The following SNX29 variants were observed in gnomAD, a reference collection of about 807,000 sequenced individuals.
SNX29 encodes sorting nexin-29.
In SNX29, 78 loss-of-function variants were observed where a neutral mutation model predicts 102.1. The observed-to-expected ratio is 0.76, with a 90% CI of 0.64 to 0.92. The LOEUF is 0.92. Among genes scored for constraint, SNX29 ranks in the 40% least tolerant of loss-of-function variants. SNX29 has a pLI of 0.00. For missense variants in SNX29, 1,280 were observed against 1,061.7 expected, an observed-to-expected ratio of 1.21 and a Z score of -2.86; for synonymous variants, 580 against 414.5, an observed-to-expected ratio of 1.40 and a Z score of -4.85.
At chr16:12,465,978 G>A (rs2087033274) in intron 18 of SNX29, among the ~76,000 whole-genome samples, 2 of 152,052 alleles carry the variant, frequency 1.3e-5, no homozygotes, top group Non-Finnish European at 2.9e-5. Flanking sequence ...AATGAATGAG[G>A]TATAGAAGGA....
intron 13 of SNX29, among the ~76,000 whole-genome samples, chr16:12,162,303 C>T (rs2055821628): frequency 6.6e-6 from 1 of 152,166 alleles, no homozygotes; most frequent in Admixed American, 6.5e-5. Flanking sequence ...GCGTCATTTT[C>T]TTTATATCAC....
chr16:12,518,162 A>C (rs1420250026), intron 19 of SNX29, among the ~76,000 whole-genome samples: 2 of 152,020 alleles, frequency 1.3e-5, no homozygotes, highest in Non-Finnish European at 2.9e-5. Context: ...GTCGTGATGG[A>C]GTTTTGAGAG....
At chr16:12,040,247 T>C (rs543602402) in intron 4 of SNX29, among the ~76,000 whole-genome samples, 132 of 151,922 alleles carry the variant, frequency 8.7e-4, no homozygotes, top group Non-Finnish European at 1.5e-3. Context: ...GGCATGGGGG[T>C]GCGTGCCTGT....
intron 16 of SNX29, among the ~76,000 whole-genome samples, chr16:12,398,075 T>C (rs538887885): frequency 1.2e-3 from 179 of 152,356 alleles, no homozygotes; most frequent in African/African-American, 4.0e-3. Context: ...GTGTGTGTGA[T>C]GTTCATCATG....
chr16:11,999,458 C>T, intron 2 of SNX29, 100 bp downstream of exon 2: 1 of 1,134,810 alleles, frequency 8.8e-7, no homozygotes, highest in Non-Finnish European at 1.3e-6. Flanking sequence ...CTAACTCCCA[C>T]TTTATACCTG....
intron 5 of SNX29, among the ~76,000 whole-genome samples, chr16:12,045,749 G>A (rs1284808462): frequency 3.3e-5 from 5 of 151,626 alleles, no homozygotes; most frequent in African/African-American, 9.7e-5. Context: ...TCAGCCTCCC[G>A]AGTAGCTGGG....
intron 13 of SNX29, among the ~76,000 whole-genome samples, chr16:12,174,614 T>G (rs1229301782): frequency 6.6e-6 from 1 of 152,188 alleles, no homozygotes; most frequent in East Asian, 1.9e-4. Flanking sequence ...CAACCTCTTG[T>G]GGCGTTCACC....
chr16:12,363,494 A>G (rs1424147717), intron 16 of SNX29, among the ~76,000 whole-genome samples: 7 of 152,168 alleles, frequency 4.6e-5, no homozygotes, highest in African/African-American at 1.4e-4. Context: ...TCTGCTGGGA[A>G]TAAACATAGT....
chr16:12,336,501 C>G (rs1257385692), intron 15 of SNX29, among the ~76,000 whole-genome samples: 1 of 152,180 alleles, frequency 6.6e-6, no homozygotes, highest in African/African-American at 2.4e-5. Context: ...TTTTTCCCCT[C>G]AGAGAAAAGA....
chr16:12,438,694 A>G (rs552546511), intron 18 of SNX29, among the ~76,000 whole-genome samples: 4 of 152,352 alleles, frequency 2.6e-5, no homozygotes, highest in Non-Finnish European at 4.4e-5. Flanking sequence ...AGAAATGACC[A>G]TAATCATGAA....
chr16:12,514,569 A>G (rs1387231154), intron 19 of SNX29, among the ~76,000 whole-genome samples: 2 of 152,190 alleles, frequency 1.3e-5, no homozygotes, highest in African/African-American at 4.8e-5. Flanking sequence ...GGAACATGAA[A>G]AAGCCCCTCT....
chr16:12,563,052 G>C (rs67316342), intron 20 of SNX29, among the ~76,000 whole-genome samples: 4 of 151,782 alleles, frequency 2.6e-5, no homozygotes, highest in African/African-American at 4.8e-5. Flanking sequence ...AGGTCACCTC[G>C]AAATGTAGGT....
At chr16:12,457,647 C>T (rs907709092) in intron 18 of SNX29, among the ~76,000 whole-genome samples, 1 of 152,196 alleles carries the variant, frequency 6.6e-6, no homozygotes, top group East Asian at 1.9e-4. Context: ...CTCATTTACC[C>T]ATCATAAAAA....
chr16:12,219,999 T>G (rs1375566119), intron 14 of SNX29, among the ~76,000 whole-genome samples: 1 of 152,240 alleles, frequency 6.6e-6, no homozygotes, highest in Non-Finnish European at 1.5e-5. Context: ...TCTCTCTGTG[T>G]CCCTGACTGA....
At chr16:12,517,177 C>T (rs577282335) in intron 19 of SNX29, among the ~76,000 whole-genome samples, 3 of 152,278 alleles carry the variant, frequency 2.0e-5, no homozygotes, top group Admixed American at 2.0e-4. Context: ...TTAGGCAGCC[C>T]CTAGAGAAGT....
chr16:12,490,880 A>C (rs989974206), intron 19 of SNX29, among the ~76,000 whole-genome samples: 4 of 152,256 alleles, frequency 2.6e-5, no homozygotes, highest in African/African-American at 9.6e-5. Flanking sequence ...GAAATTAAAC[A>C]CTGTAAATAC....
chr16:12,546,243 C>T (rs770979959), intron 20 of SNX29: 3 of 152,226 alleles, frequency 2.0e-5, no homozygotes, highest in Non-Finnish European at 4.4e-5. Flanking sequence ...AACTTGACCT[C>T]TTTTCGACCC....
At position 12,543,076 on chromosome 16, in the gene SNX29, G is replaced by T. The variant is rs1052825200; in HGVS notation, c.2318+18235G>T. Reference sequence around the variant, plus strand: ...AGGACCCTGTTGGTTTCACCCTCAAGCATGTTCTGTCTGGTGGAAAGATGG... The same window carrying T: ...AGGACCCTGTTGGTTTCACCCTCAATCATGTTCTGTCTGGTGGAAAGATGG... On this transcript the variant is annotated intron_variant, in intron 20 of 20. Transcript: ENST00000566228. Among the ~76,000 whole-genome samples, 3 of 152,198 alleles carry T rather than the reference G, an allele frequency of 2.0e-5. No individual in the cohort carries two copies. In the South Asian group the frequency reaches 6.2e-4, roughly 32 times the overall value.
At chr16:12,294,906 G>A (rs999000430) in intron 15 of SNX29, among the ~76,000 whole-genome samples, 3 of 151,406 alleles carry the variant, frequency 2.0e-5, no homozygotes, top group Non-Finnish European at 4.4e-5. Flanking sequence ...AAAAAAAAAA[G>A]GCTTAATGGA....
Sources: gnomAD v4.1 joint callset for allele counts (sites outside exome capture counted in the v4.1 genomes callset) on GRCh38, gnomAD v4.1.1 for gene constraint, MANE v1.5 for transcripts, NCBI Gene and HGNC (gene_info 2026-07-23, HGNC 2026-07-21) for gene names.